The following ASTN2 variants were observed in gnomAD, a reference collection of about 807,000 sequenced individuals.
ASTN2 encodes astrotactin 2.
A neutral mutation model predicts 139.8 loss-of-function variants in ASTN2; 54 were observed. That is an observed-to-expected ratio of 0.39 (90% confidence interval 0.31 to 0.48). The LOEUF is 0.48. Ranked by LOEUF, ASTN2 falls within the 20% of genes least tolerant of loss-of-function variation. ASTN2 has a pLI of 0.95. For missense variants in ASTN2, 1,565 were observed against 1,725.1 expected, an observed-to-expected ratio of 0.91 and a Z score of 1.64; for synonymous variants, 756 against 719.5, an observed-to-expected ratio of 1.05 and a Z score of -0.81.
chr9:116,838,105 TTTTTTG>T (rs1292636667), intron 11 of ASTN2, among the ~76,000 whole-genome samples: 1 of 138,212 alleles, frequency 7.2e-6, no homozygotes, highest in Non-Finnish European at 1.6e-5. Flanking sequence ...GGCTGTGTTT[TTTTTTG>T]TTTTGTTTTG....
intron 19 of ASTN2, among the ~76,000 whole-genome samples, chr9:116,586,631 G>A (rs939352269): frequency 8.6e-5 from 13 of 152,024 alleles, no homozygotes; most frequent in Admixed American, 6.6e-4. Context: ...TAGACACTGG[G>A]CACTATAGGA....
Position 117,342,135 on chromosome 9 carries a change from T to G in ASTN2, c.443-50622A>C, listed in dbSNP as rs539169186. Among the ~76,000 whole-genome samples, 3 of 152,310 alleles carry G rather than the reference T, an allele frequency of 2.0e-5. No individual in the cohort carries two copies. In the South Asian group the frequency reaches 6.2e-4, roughly 32 times the overall value. Reference sequence around the variant, plus strand: ...GTATTACAAAGCAGCACACAGCTATTCATTAACTGTTGTTAACGGAACTCA... The same window carrying G: ...GTATTACAAAGCAGCACACAGCTATGCATTAACTGTTGTTAACGGAACTCA... On this transcript the variant is annotated intron_variant, in intron 1 of 22. Transcript: ENST00000313400.
intron 10 of ASTN2, among the ~76,000 whole-genome samples, chr9:116,908,996 G>A (rs925493325): frequency 6.6e-6 from 1 of 152,120 alleles, no homozygotes; most frequent in Non-Finnish European, 1.5e-5. Flanking sequence ...GACTGGAGTG[G>A]GATGGTGGTA....
chr9:116,779,536 A>T (rs760973925), intron 13 of ASTN2, among the ~76,000 whole-genome samples: 63 of 151,896 alleles, frequency 4.1e-4, no homozygotes, highest in Non-Finnish European at 8.4e-4. Context: ...ACACCTCCCT[A>T]CATCACCTGT....
At chr9:116,451,815 T>C (rs1848183485) in intron 20 of ASTN2, among the ~76,000 whole-genome samples, 2 of 123,392 alleles carry the variant, frequency 1.6e-5, no homozygotes, top group African/African-American at 3.3e-5. Flanking sequence ...TTTAAATATA[T>C]AAATACTATG....
At chr9:116,622,644 G>A (rs1856221203) in intron 17 of ASTN2, among the ~76,000 whole-genome samples, 1 of 152,220 alleles carries the variant, frequency 6.6e-6, no homozygotes, top group African/African-American at 2.4e-5. Context: ...GGTCTTTTCT[G>A]TTCAACAATT....
chr9:117,233,145 C>G (rs1285181478), intron 2 of ASTN2, among the ~76,000 whole-genome samples: 3 of 152,110 alleles, frequency 2.0e-5, no homozygotes, highest in African/African-American at 7.2e-5. Context: ...TTCTGAGGGG[C>G]AGAGAGCAGG....
At chr9:117,020,781 C>A (rs534398690) in intron 6 of ASTN2, among the ~76,000 whole-genome samples, 1 of 152,228 alleles carries the variant, frequency 6.6e-6, no homozygotes, top group South Asian at 2.1e-4. Context: ...CTAAGCACAG[C>A]GTTTGGCCCT....
At chr9:116,945,198 G>A (rs541118625) in intron 10 of ASTN2, among the ~76,000 whole-genome samples, 2 of 152,268 alleles carry the variant, frequency 1.3e-5, no homozygotes, top group South Asian at 4.1e-4. Context: ...TTTTCCAGAA[G>A]ACCTCCTCCT....
intron 4 of ASTN2, among the ~76,000 whole-genome samples, chr9:117,114,181 A>T (rs1344274306): frequency 2.0e-5 from 3 of 150,950 alleles, no homozygotes; most frequent in Admixed American, 6.6e-5. Flanking sequence ...TTTTTTTTAA[A>T]AAAAAAGTCT....
chr9:116,735,627 G>A (rs1426142181), intron 13 of ASTN2, among the ~76,000 whole-genome samples: 1 of 152,206 alleles, frequency 6.6e-6, no homozygotes, highest in African/African-American at 2.4e-5. Flanking sequence ...CACAAAAAAT[G>A]GCCATGCAGA....
At chr9:117,050,093 T>A (rs1319056420) in intron 5 of ASTN2, among the ~76,000 whole-genome samples, 1 of 152,100 alleles carries the variant, frequency 6.6e-6, no homozygotes, top group African/African-American at 2.4e-5. Flanking sequence ...ATATTAGCCC[T>A]GTTAGTCTAC....
intron 5 of ASTN2, among the ~76,000 whole-genome samples, chr9:117,042,745 T>C (rs755617874): frequency 5.3e-5 from 8 of 152,088 alleles, no homozygotes; most frequent in Admixed American, 1.3e-4. Context: ...GGACCAGGGG[T>C]TGGCACCTTG....
At chr9:116,783,764 T>C (rs924582774) in intron 13 of ASTN2, among the ~76,000 whole-genome samples, 29 of 152,176 alleles carry the variant, frequency 1.9e-4, no homozygotes, top group Admixed American at 5.9e-4. Context: ...CAGTACAGGG[T>C]GTAAAGAGCT....
At chr9:116,853,533 A>G (rs1268919445) in intron 11 of ASTN2, among the ~76,000 whole-genome samples, 2 of 152,044 alleles carry the variant, frequency 1.3e-5, no homozygotes, top group Non-Finnish European at 2.9e-5. Flanking sequence ...CCACGGCCTC[A>G]TTTACTCTCC....
intron 1 of ASTN2, among the ~76,000 whole-genome samples, chr9:117,369,357 G>A (rs1012646137): frequency 6.6e-6 from 1 of 151,790 alleles, no homozygotes; most frequent in Non-Finnish European, 1.5e-5. Context: ...CATTTATTGT[G>A]TGCTTTTCAG....
chr9:116,478,039 A>G (rs947099941), intron 20 of ASTN2, among the ~76,000 whole-genome samples: 4 of 150,640 alleles, frequency 2.7e-5, no homozygotes, highest in Admixed American at 1.3e-4. Context: ...AAAAAAGAAC[A>G]AAAGGAGAAA....
intron 4 of ASTN2, among the ~76,000 whole-genome samples, chr9:117,118,822 T>C (rs1829469027): frequency 6.6e-6 from 1 of 152,222 alleles, no homozygotes; most frequent in Non-Finnish European, 1.5e-5. Context: ...CTTCCTACAA[T>C]GTTGTTTCTC....
chr9:116,577,755 A>G (rs908323386), intron 19 of ASTN2, among the ~76,000 whole-genome samples: 1 of 152,152 alleles, frequency 6.6e-6, no homozygotes, highest in East Asian at 1.9e-4. Flanking sequence ...GATGGTCCCT[A>G]TTTTACAGAT....
Sources: allele counts gnomAD v4.1 joint callset (sites outside exome capture counted in the v4.1 genomes callset), GRCh38; gene constraint gnomAD v4.1.1; transcripts MANE v1.5; gene names NCBI Gene and HGNC (gene_info 2026-07-23, HGNC 2026-07-21).